Variants in NRXN1 observed in about 807,000 individuals in gnomAD.
NRXN1 encodes neurexin 1.
NRXN1 carries 39 observed loss-of-function variants against 150.9 expected under a neutral mutation model. The observed-to-expected ratio is 0.26, with a 90% CI of 0.20 to 0.34. The LOEUF (loss-of-function observed/expected upper bound fraction) is 0.34. Ranked by LOEUF, NRXN1 falls within the 10% of genes least tolerant of loss-of-function variation. The pLI is 1.00. For missense variants in NRXN1, 1,815 were observed against 1,949.9 expected (o/e 0.93, Z 1.30); for synonymous variants, 924 against 757.0 (o/e 1.22, Z -3.62).
intron 17 of NRXN1, among the ~76,000 whole-genome samples, chr2:50,418,387 C>A (rs982613175): frequency 6.6e-6 from 1 of 152,084 alleles, no homozygotes; most frequent in African/African-American, 2.4e-5. Flanking sequence ...CCCCAACACA[C>A]ACAGCTGTTT....
In NRXN1 at chr2:50,675,692, G is replaced by A. The variant is rs200483955; in HGVS notation, c.833-52077C>T. On this transcript the variant is annotated intron_variant, in intron 5 of 22. Coordinates refer to ENST00000401669, the MANE Select transcript of NRXN1 (RefSeq NM_001330078.2). ...GTCATTACCGTTACTCCAGTTTACT[G>A]TTAACATGGCATAAATGTATTTTAA... 3.9e-5 allele frequency among the ~76,000 whole-genome samples: 6 copies of A among 152,072 alleles called. No individual in the cohort carries two copies. The East Asian group carries it at 1.2e-3, about 29-fold the overall frequency.
chr2:49,934,694 C>T (rs893158802), intron 22 of NRXN1, among the ~76,000 whole-genome samples: 1 of 152,076 alleles, frequency 6.6e-6, no homozygotes, highest in Non-Finnish European at 1.5e-5. Flanking sequence ...GGTAGGTGTG[C>T]CTGGTAAGTC....
At chr2:50,991,991 T>A (rs1300853397) in intron 2 of NRXN1, among the ~76,000 whole-genome samples, 1 of 152,018 alleles carries the variant, frequency 6.6e-6, no homozygotes, top group African/African-American at 2.4e-5. Context: ...AGTGTGTACA[T>A]ATGAATCTTT....
intron 5 of NRXN1, among the ~76,000 whole-genome samples, chr2:50,823,693 T>C (rs916347242): frequency 6.6e-6 from 1 of 152,204 alleles, no homozygotes; most frequent in African/African-American, 2.4e-5. Flanking sequence ...TAATGATTTA[T>C]GGGTCCTAAA....
intron 17 of NRXN1, among the ~76,000 whole-genome samples, chr2:50,345,141 T>A (rs1452366976): frequency 1.3e-5 from 2 of 152,098 alleles, no homozygotes; most frequent in African/African-American, 4.8e-5. Flanking sequence ...ATCACTCTCG[T>A]CTCCATACTA....
intron 18 of NRXN1, among the ~76,000 whole-genome samples, chr2:50,158,960 C>G (rs1048160132): frequency 6.6e-6 from 1 of 151,980 alleles, no homozygotes; most frequent in Admixed American, 6.6e-5. Flanking sequence ...GATCACCTAC[C>G]ATTCATCACA....
At position 50,221,895 on chromosome 2, in the gene NRXN1, T is replaced by G. The variant is rs2063921664; in HGVS notation, c.3546+14894A>C. Among the ~76,000 whole-genome samples the G allele has an allele frequency of 2.0e-5, 3 of 152,048 alleles. No homozygotes were observed. The South Asian group carries it at 6.2e-4, about 31-fold the overall frequency. On this transcript the variant is annotated intron_variant, in intron 18 of 22. Transcript: ENST00000401669. ...CATGTATGTTTTACTAAACACTTTA[T>G]AGCAGAATACATCTGTTGCTACTCT...
At chr2:50,551,112 G>A in intron 9 of NRXN1, among the ~76,000 whole-genome samples, 1 of 117,722 alleles carries the variant, frequency 8.5e-6, no homozygotes, top group Non-Finnish European at 1.7e-5. Flanking sequence ...GAGGGAGGGG[G>A]AGGGGGAGGG....
At chr2:50,318,495 G>A (rs562473004) in intron 17 of NRXN1, among the ~76,000 whole-genome samples, 1 of 152,154 alleles carries the variant, frequency 6.6e-6, no homozygotes, top group East Asian at 1.9e-4. Context: ...CAGGGTTCAA[G>A]GAGCACTGTT....
chr2:50,631,148 T>C (rs1208250620), intron 5 of NRXN1: 3 of 433,844 alleles, frequency 6.9e-6, no homozygotes, highest in South Asian at 1.8e-5. Flanking sequence ...ACGTAATATA[T>C]GTTGTAAAAT....
At chr2:50,585,911 T>G (rs1379561871) in intron 8 of NRXN1, among the ~76,000 whole-genome samples, 17 of 152,228 alleles carry the variant, frequency 1.1e-4, no homozygotes, top group Non-Finnish European at 1.0e-4. Context: ...GAGTTACATT[T>G]GGTCACATCT....
At chr2:50,855,579 C>G (rs1206852797) in intron 5 of NRXN1, among the ~76,000 whole-genome samples, 1 of 151,952 alleles carries the variant, frequency 6.6e-6, no homozygotes, top group Non-Finnish European at 1.5e-5. Context: ...AAATGACTAA[C>G]CCAGTAATTA....
At chr2:49,923,823 A>C (rs1290211768) in intron 22 of NRXN1, among the ~76,000 whole-genome samples, 1 of 152,224 alleles carries the variant, frequency 6.6e-6, no homozygotes, top group African/African-American at 2.4e-5. Context: ...TCAAAGTAGC[A>C]ATAAGCTATG....
At chr2:50,686,340 T>C (rs1164157988) in intron 5 of NRXN1, among the ~76,000 whole-genome samples, 7 of 152,128 alleles carry the variant, frequency 4.6e-5, no homozygotes, top group South Asian at 2.1e-4. Context: ...ACAGTTGACG[T>C]TGCAACCAGA....
At chr2:49,958,564 C>T (rs1675377761) in intron 21 of NRXN1, among the ~76,000 whole-genome samples, 1 of 152,120 alleles carries the variant, frequency 6.6e-6, no homozygotes, top group Non-Finnish European at 1.5e-5. Context: ...TAGATGCCTA[C>T]TAATTAAGGA....
At chr2:50,223,159 G>A (rs2064034235) in intron 18 of NRXN1, among the ~76,000 whole-genome samples, 1 of 151,508 alleles carries the variant, frequency 6.6e-6, no homozygotes, top group Non-Finnish European at 1.5e-5. Context: ...GTTTATGTCT[G>A]GATGCTTAGA....
At chr2:50,601,805 T>C (rs1411888881) in intron 8 of NRXN1, among the ~76,000 whole-genome samples, 2 of 152,184 alleles carry the variant, frequency 1.3e-5, no homozygotes, top group Non-Finnish European at 2.9e-5. Flanking sequence ...ATCATTAAAA[T>C]GTACCACTGC....
rs570734879 is a variant in NRXN1, at chr2:50,157,772, A to T, written c.3547-66278T>A. ...AGTCTGTAGTGAGAAAAGTTTAAAG[A>T]TCTCTTTTAAAGTGGCACTCTGGAT... On this transcript the variant is annotated intron_variant, in intron 18 of 22. Coordinates refer to ENST00000401669, the MANE Select transcript of NRXN1 (RefSeq NM_001330078.2). Among the ~76,000 whole-genome samples the T allele has an allele frequency of 1.1e-4, 17 of 152,066 alleles. 1 individual carries two copies. Among genetic ancestry groups the T allele is most frequent in the African/African-American group, 4.1e-4 (17 of 41,516 alleles).
intron 18 of NRXN1, among the ~76,000 whole-genome samples, chr2:50,165,791 A>AT (rs1374044436): frequency 3.3e-5 from 5 of 152,118 alleles, no homozygotes; most frequent in East Asian, 3.9e-4. Flanking sequence ...TGATTACACT[A>AT]TGCAAACAAT....
Sources: gnomAD v4.1 joint callset for allele counts (sites outside exome capture counted in the v4.1 genomes callset) on GRCh38, gnomAD v4.1.1 for gene constraint, MANE v1.5 for transcripts, NCBI Gene and HGNC (gene_info 2026-07-23, HGNC 2026-07-21) for gene names.